The following NRG1 variants were observed in gnomAD, a reference collection of about 807,000 sequenced individuals.
NRG1 encodes neuregulin 1.
Under a neutral mutation model 63.8 loss-of-function variants are expected in NRG1, and 18 were observed. That is an observed-to-expected ratio of 0.28 (90% confidence interval 0.19 to 0.42). The LOEUF (loss-of-function observed/expected upper bound fraction) is 0.42, where lower values mean the gene tolerates loss of function less well. Ranked by LOEUF, NRG1 falls within the 10% of genes least tolerant of loss-of-function variation. NRG1 has a pLI of 1.00. For missense variants in NRG1, 762 were observed against 814.7 expected, an observed-to-expected ratio of 0.94 and a Z score of 0.79; for synonymous variants, 302 against 301.3, an observed-to-expected ratio of 1.00 and a Z score of -0.02.
chr8:32,662,431 T>C (rs73678419), intron 5 of NRG1, among the ~76,000 whole-genome samples: 2,848 of 152,206 alleles, frequency 0.019, 111 homozygotes, highest in African/African-American at 0.066. Flanking sequence ...AGCATGCCAT[T>C]CATTGTAAGA....
chr8:32,390,060 C>G (rs761979017), intron 1 of NRG1, among the ~76,000 whole-genome samples: 1 of 152,062 alleles, frequency 6.6e-6, no homozygotes, highest in Non-Finnish European at 1.5e-5. Flanking sequence ...ACACCCAGCT[C>G]TTTCAGTCTT....
chr8:31,927,439 CTTTTTTTTTTTTTTT>C (rs71539998), intron 1 of NRG1, among the ~76,000 whole-genome samples: 7 of 68,034 alleles, frequency 1.0e-4, no homozygotes, highest in Admixed American at 2.3e-4. Context: ...GAGAAAACTA[CTTTTTTTTTTTTTTT>C]TTTTTTTTTT....
At chr8:32,093,101 A>G (rs747196381) in intron 1 of NRG1, among the ~76,000 whole-genome samples, 41 of 152,230 alleles carry the variant, frequency 2.7e-4, no homozygotes, top group Non-Finnish European at 3.4e-4. Flanking sequence ...AGAAAGAAGT[A>G]GACGTGAGAG....
chr8:32,293,048 G>A (rs746536736), intron 1 of NRG1, among the ~76,000 whole-genome samples: 17 of 152,074 alleles, frequency 1.1e-4, no homozygotes, highest in African/African-American at 1.4e-4. Context: ...AGTTTGCAGT[G>A]AGCCAAGATC....
At chr8:32,172,344 A>G (rs10098927) in intron 1 of NRG1, among the ~76,000 whole-genome samples, 125,043 of 152,134 alleles carry the variant, frequency 0.82, 51,993 homozygotes, top group African/African-American at 0.93. Flanking sequence ...AACCCCATTT[A>G]TACATCACCA....
chr8:32,755,865 C>A (rs1416566497), intron 8 of NRG1, among the ~76,000 whole-genome samples: 1 of 152,050 alleles, frequency 6.6e-6, no homozygotes, highest in African/African-American at 2.4e-5. Context: ...GCCTCAGCCT[C>A]CCGAGTAGCT....
At chr8:32,666,794 C>A (rs1017557851) in intron 5 of NRG1, among the ~76,000 whole-genome samples, 2 of 152,170 alleles carry the variant, frequency 1.3e-5, no homozygotes, top group African/African-American at 4.8e-5. Flanking sequence ...GTTTTCCCCA[C>A]CCTCCAGTCC....
intron 1 of NRG1, among the ~76,000 whole-genome samples, chr8:31,883,451 A>G (rs942883153): frequency 6.6e-6 from 1 of 152,134 alleles, no homozygotes; most frequent in African/African-American, 2.4e-5. Flanking sequence ...TCCCTAAGGT[A>G]TGCCTATGCT....
chr8:32,729,789 A>G (rs1823177084), intron 6 of NRG1, among the ~76,000 whole-genome samples: 1 of 152,184 alleles, frequency 6.6e-6, no homozygotes, highest in Admixed American at 6.5e-5. Flanking sequence ...CGAAAATGCC[A>G]TTTTGTAGGC....
intron 1 of NRG1, among the ~76,000 whole-genome samples, chr8:31,901,880 T>A (rs888777885): frequency 3.3e-5 from 5 of 152,246 alleles, no homozygotes; most frequent in African/African-American, 9.6e-5. Flanking sequence ...TCTTAATACA[T>A]GTATCTATCA....
intron 1 of NRG1, among the ~76,000 whole-genome samples, chr8:32,362,204 A>G (rs1027733410): frequency 6.6e-6 from 1 of 152,210 alleles, no homozygotes; most frequent in African/African-American, 2.4e-5. Flanking sequence ...TTATGAAGTA[A>G]TTGATTTGAA....
intron 1 of NRG1, among the ~76,000 whole-genome samples, chr8:31,962,604 A>T (rs1805641370): frequency 6.6e-6 from 1 of 152,156 alleles, no homozygotes; most frequent in Non-Finnish European, 1.5e-5. Context: ...ATTTTCAAAA[A>T]TTACTTTTGC....
At chr8:32,602,921 A>C (rs1019931254) in intron 2 of NRG1, among the ~76,000 whole-genome samples, 2 of 152,190 alleles carry the variant, frequency 1.3e-5, no homozygotes, top group South Asian at 2.1e-4. Flanking sequence ...ATTCAGCCCC[A>C]AAATTAATAC....
intron 1 of NRG1, among the ~76,000 whole-genome samples, chr8:31,900,447 G>C (rs563308507): frequency 2.0e-5 from 3 of 152,268 alleles, no homozygotes; most frequent in East Asian, 3.9e-4. Flanking sequence ...CCTAGGGAAG[G>C]CTTCAAGGAT....
intron 5 of NRG1, among the ~76,000 whole-genome samples, chr8:32,690,373 C>T (rs1258042584): frequency 6.6e-6 from 1 of 152,072 alleles, no homozygotes; most frequent in Non-Finnish European, 1.5e-5. Flanking sequence ...TCCACTCACC[C>T]AGCACTGTAG....
At chr8:32,631,841 T>C (rs1282497298) in intron 5 of NRG1, among the ~76,000 whole-genome samples, 2 of 152,180 alleles carry the variant, frequency 1.3e-5, no homozygotes, top group Non-Finnish European at 2.9e-5. Flanking sequence ...TTACTACTCA[T>C]TTAAAAAATC....
At chr8:32,696,605 G>A (rs1178541250) in intron 5 of NRG1, among the ~76,000 whole-genome samples, 1 of 150,722 alleles carries the variant, frequency 6.6e-6, no homozygotes, top group Non-Finnish European at 1.5e-5. Context: ...ATGGAAGGCA[G>A]TAAAGCCTCG....
chr8:32,433,370 A>T (rs2129486901), intron 1 of NRG1, among the ~76,000 whole-genome samples: 1 of 152,294 alleles, frequency 6.6e-6, no homozygotes, highest in Admixed American at 6.5e-5. Context: ...TCCTGGAGGA[A>T]AAACTAGGTA....
chr8:32,055,838 T>C (rs1822839215), intron 1 of NRG1, among the ~76,000 whole-genome samples: 1 of 152,116 alleles, frequency 6.6e-6, no homozygotes, highest in African/African-American at 2.4e-5. Context: ...GGTGATATGA[T>C]ACTGGGCCGT....
Sources: gnomAD v4.1 joint callset for allele counts (sites outside exome capture counted in the v4.1 genomes callset) on GRCh38, gnomAD v4.1.1 for gene constraint, MANE v1.5 for transcripts, NCBI Gene and HGNC (gene_info 2026-07-23, HGNC 2026-07-21) for gene names.